SIRT4: variants seen among roughly 807,000 people sequenced by gnomAD.
SIRT4 encodes NAD-dependent protein lipoamidase sirtuin-4, mitochondrial.
SIRT4 carries 23 observed loss-of-function variants against 26.1 expected under a neutral mutation model. The ratio of observed to expected loss-of-function variants is 0.88; its 90% CI spans 0.63 to 1.25. SIRT4 has a LOEUF of 1.25. Among genes scored for constraint, SIRT4 ranks in the 50% most tolerant of loss-of-function variants. The pLI is 0.00. For synonymous variants in SIRT4, 155 were observed against 158.4 expected, an observed-to-expected ratio of 0.98 and a Z score of 0.16; for missense variants, 361 against 405.4, an observed-to-expected ratio of 0.89 and a Z score of 0.94.
chr12:120,291,812 G>C, the SIRT4 span: 1 of 152,224 alleles, frequency 6.6e-6, no homozygotes, highest in East Asian at 1.9e-4. Context: ...ATTTCAAGTC[G>C]TCATGGCGGG....
At chr12:120,306,288 C>A (rs566599466) in intron 2 of SIRT4, among the ~76,000 whole-genome samples, 3 of 151,438 alleles carry the variant, frequency 2.0e-5, no homozygotes, top group African/African-American at 7.3e-5. Flanking sequence ...CCAGCCTGAC[C>A]AACATGGAGA....
chr12:120,311,816 AG>A (rs1167599760), intron 2 of SIRT4, among the ~76,000 whole-genome samples: 1 of 150,698 alleles, frequency 6.6e-6, no homozygotes, highest in Non-Finnish European at 1.5e-5. Context: ...AAGAAGGAGA[AG>A]CATTTTAGAA....
At chr12:120,307,288 G>A (rs1370555263) in intron 2 of SIRT4, among the ~76,000 whole-genome samples, 1 of 152,072 alleles carries the variant, frequency 6.6e-6, no homozygotes, top group African/African-American at 2.4e-5. Flanking sequence ...TCAGGAGTTT[G>A]AGACCAGCCT....
rs760356704 is a variant in SIRT4 at position 120,312,723 on chromosome 12, C to T, written c.765C>T (p.Ser255=). ...FVHKRVKEAD[S]LLVVGSSLQV... ...ACAAGCGTGTAAAAGAAGCCGACTC[C>T]CTCTTGGTGGTGGGATCATCCTTGC... Residue 255 remains serine, a synonymous_variant, in exon 3 of 4, where the codon TCC becomes TCT. Coordinates refer to ENST00000202967, the MANE Select transcript of SIRT4 (RefSeq NM_012240.3). 3 of 1,613,804 alleles carry T rather than the reference C, an allele frequency of 1.9e-6. No individual in the cohort carries two copies. Among genetic ancestry groups the T allele is most frequent in the Middle Eastern group, 3.3e-4 (2 of 6,056 alleles).
chr12:120,312,812 A>G (rs1873045215), intron 3 of SIRT4, 62 bp downstream of exon 3: 2 of 1,607,002 alleles, frequency 1.2e-6, no homozygotes, highest in East Asian at 4.5e-5. Flanking sequence ...CTGGAGAGAC[A>G]CCCTGTTTGG....
chr12:120,308,465 G>A (rs1170360576), intron 2 of SIRT4, among the ~76,000 whole-genome samples: 3 of 152,140 alleles, frequency 2.0e-5, no homozygotes, highest in African/African-American at 2.4e-5. Flanking sequence ...GAGCCACAGC[G>A]CCTGCCCCAA....
chr12:120,298,249 C>G (rs954029439), upstream of SIRT4, among the ~76,000 whole-genome samples: 1 of 151,402 alleles, frequency 6.6e-6, no homozygotes, highest in Non-Finnish European at 1.5e-5. Flanking sequence ...TGAGTTTCCC[C>G]GCCTAGTAGA....
the SIRT4 span, among the ~76,000 whole-genome samples, chr12:120,292,404 C>T: frequency 2.6e-5 from 4 of 152,068 alleles, no homozygotes; most frequent in African/African-American, 9.7e-5. Context: ...AGTTCAAGAC[C>T]AGCCTGGACA....
chr12:120,312,812 A>C, intron 3 of SIRT4, 62 bp downstream of exon 3: 1 of 1,607,002 alleles, frequency 6.2e-7, no homozygotes, highest in Non-Finnish European at 8.5e-7. Flanking sequence ...CTGGAGAGAC[A>C]CCCTGTTTGG....
Position 120,312,544 on chromosome 12 carries a change from G to A in SIRT4, c.586G>A (p.Ala196Thr). The A allele has an allele frequency of 4.3e-6, 7 of 1,614,134 alleles. No individual in the cohort carries two copies. The highest frequency in any genetic ancestry group is 5.9e-6 in the Non-Finnish European group (7 of 1,180,040). ...QVLNPTWSAE[A>T]HGLAPDGDVF... ...CCTGAACCCCACCTGGAGTGCTGAG[G>A]CCCATGGCCTGGCTCCTGATGGTGA... The change falls in exon 3 of 4, where the codon GCC (alanine) becomes ACC (threonine). Residue 196 changes from alanine to threonine, a missense_variant. Ala to Thr is a moderately conservative substitution (Grantham distance 58). Transcript: ENST00000202967.
chr12:120,307,542 T>C (rs1872787004), intron 2 of SIRT4, among the ~76,000 whole-genome samples: 1 of 151,716 alleles, frequency 6.6e-6, no homozygotes, highest in Non-Finnish European at 1.5e-5. Flanking sequence ...TGCAAGAACT[T>C]TGTAATATTT....
chr12:120,304,009 A>G lies in SIRT4; in HGVS notation c.448A>G (p.Thr150Ala). Residue 150 changes from threonine (T) to alanine (A), a missense_variant, in exon 2 of 4, where the codon ACC (threonine) becomes GCC (alanine). Coordinates refer to ENST00000202967, the MANE Select transcript of SIRT4 (RefSeq NM_012240.3). ...GACCCAAAATGTGGATGCTTTGCAC[A>G]CCAAGGCGGGGAGTCGGCGCCTGAC... The part of the protein sequence containing the change: ...LVTQNVDALH[T>A]KAGSRRLTEL... The G allele has an allele frequency of 6.2e-7, 1 of 1,613,420 alleles. No homozygotes were observed. The highest frequency in any genetic ancestry group is 8.5e-7 in the Non-Finnish European group (1 of 1,180,024).
At chr12:120,294,828 CTTTTT>C in the SIRT4 span, among the ~76,000 whole-genome samples, 1 of 137,476 alleles carries the variant, frequency 7.3e-6, no homozygotes, top group Non-Finnish European at 1.6e-5. Flanking sequence ...ACTGTTTATC[CTTTTT>C]TTTTTTTTTT....
the SIRT4 span, chr12:120,291,980 G>A: frequency 6.6e-6 from 1 of 152,270 alleles, no homozygotes; most frequent in African/African-American, 2.4e-5. Context: ...CTGCCCGTGT[G>A]TCCGTGTATA....
At chr12:120,292,179 CGA>C in the SIRT4 span, among the ~76,000 whole-genome samples, 1 of 152,068 alleles carries the variant, frequency 6.6e-6, no homozygotes, top group Non-Finnish European at 1.5e-5. Flanking sequence ...GAATTTTGAG[CGA>C]GGAGAGTGAG....
intron 2 of SIRT4, among the ~76,000 whole-genome samples, chr12:120,304,845 T>A (rs1207109874): frequency 0.046 from 580 of 12,744 alleles, 1 homozygote; most frequent in South Asian, 0.075. Flanking sequence ...ATTTTTTTTT[T>A]TTTTTTTTTT....
chr12:120,302,827 C>A (rs1416263831), intron 1 of SIRT4, among the ~76,000 whole-genome samples: 1 of 150,750 alleles, frequency 6.6e-6, no homozygotes, highest in East Asian at 2.0e-4. Flanking sequence ...TCAAGCAATT[C>A]TCCTGCCTCA....
At chr12:120,297,261 C>CATACATAAA in the SIRT4 span, among the ~76,000 whole-genome samples, 1 of 123,802 alleles carries the variant, frequency 8.1e-6, no homozygotes, top group Non-Finnish European at 1.6e-5. Context: ...TACATACATA[C>CATACATAAA]ATAAAATAAA....
At chr12:120,295,420 T>TAAA in the SIRT4 span, among the ~76,000 whole-genome samples, 6 of 104,652 alleles carry the variant, frequency 5.7e-5, no homozygotes, top group African/African-American at 2.6e-4. Context: ...ATATAGATAA[T>TAAA]TTTTTTTTTT....
Sources: allele counts gnomAD v4.1 joint callset (sites outside exome capture counted in the v4.1 genomes callset), GRCh38; gene constraint gnomAD v4.1.1; transcripts MANE v1.5; gene names NCBI Gene and HGNC (gene_info 2026-07-23, HGNC 2026-07-21).